Variants in KLF12 observed in about 807,000 individuals in gnomAD.
KLF12 encodes KLF transcription factor 12, also known as Krueppel-like factor 12.
A neutral mutation model predicts 37.8 loss-of-function variants in KLF12; 9 were observed. The observed-to-expected ratio is 0.24, with a 90% CI of 0.14 to 0.42. The LOEUF (loss-of-function observed/expected upper bound fraction) is 0.42. KLF12 is among the 10% of genes least tolerant of loss of function. The pLI, the probability that KLF12 is intolerant of heterozygous loss-of-function variation, is 1.00. For synonymous variants in KLF12, 208 were observed against 202.1 expected (o/e 1.03, Z -0.25); for missense variants, 411 against 516.0 (o/e 0.80, Z 1.97).
chr13:73,740,153 G>T (rs141077050), intron 6 of KLF12, among the ~76,000 whole-genome samples: 375 of 152,346 alleles, frequency 2.5e-3, no homozygotes, highest in African/African-American at 8.5e-3. Context: ...ATTAGGAGGT[G>T]AAGCCTCTGG....
chr13:73,950,862 G>A (rs1890619288), intron 2 of KLF12, among the ~76,000 whole-genome samples: 1 of 152,170 alleles, frequency 6.6e-6, no homozygotes, highest in South Asian at 2.1e-4. Flanking sequence ...GATCCTTTCT[G>A]GGAGATGAGG....
At chr13:73,979,088 A>G (rs2138164672) in intron 2 of KLF12, among the ~76,000 whole-genome samples, 1 of 152,296 alleles carries the variant, frequency 6.6e-6, no homozygotes, top group Middle Eastern at 3.4e-3. Context: ...ATATCAGAGG[A>G]TATGTACCAT....
At chr13:73,904,256 G>A (rs931431340) in intron 3 of KLF12, among the ~76,000 whole-genome samples, 36 of 152,172 alleles carry the variant, frequency 2.4e-4, no homozygotes, top group African/African-American at 5.1e-4. Flanking sequence ...TACCCGACAC[G>A]TCCTAGCACA....
chr13:73,918,707 A>G (rs1233392123), intron 3 of KLF12, among the ~76,000 whole-genome samples: 4 of 152,160 alleles, frequency 2.6e-5, no homozygotes, highest in African/African-American at 9.7e-5. Context: ...GAATTATCCA[A>G]CAAGGACTTA....
chr13:73,926,055 A>C (rs1889359634), intron 3 of KLF12, among the ~76,000 whole-genome samples: 1 of 152,098 alleles, frequency 6.6e-6, no homozygotes, highest in African/African-American at 2.4e-5. Context: ...GACATTGTTG[A>C]AACAACAACA....
chr13:73,949,302 G>C (rs1566477848), intron 2 of KLF12, among the ~76,000 whole-genome samples: 1 of 152,218 alleles, frequency 6.6e-6, no homozygotes, highest in South Asian at 2.1e-4. Flanking sequence ...TGGAATCTCA[G>C]TAACAGCTCC....
intron 2 of KLF12, among the ~76,000 whole-genome samples, chr13:73,969,778 C>T (rs866308809): frequency 1.7e-4 from 26 of 152,214 alleles, no homozygotes; most frequent in African/African-American, 5.8e-4. Context: ...ACAGCTCTCA[C>T]TTAACAATAG....
chr13:73,985,178 G>C (rs1891795302), intron 2 of KLF12, among the ~76,000 whole-genome samples: 1 of 152,188 alleles, frequency 6.6e-6, no homozygotes, highest in Non-Finnish European at 1.5e-5. Context: ...ATCCGCCTTT[G>C]AACCTCAGCA....
intron 2 of KLF12, among the ~76,000 whole-genome samples, chr13:73,966,792 T>G (rs1891182052): frequency 6.6e-6 from 1 of 152,160 alleles, no homozygotes; most frequent in South Asian, 2.1e-4. Context: ...GGCACTTTAC[T>G]CAGGAAACAC....
the KLF12 span, among the ~76,000 whole-genome samples, chr13:74,189,595 A>G: frequency 6.6e-6 from 1 of 152,198 alleles, no homozygotes; most frequent in Non-Finnish European, 1.5e-5. Flanking sequence ...ATGGTTCAAA[A>G]TTCAAGAGGT....
rs1178642068 is a variant in KLF12, at chr13:73,842,064, G to A, written c.670+3763C>T. 2.0e-5 allele frequency among the ~76,000 whole-genome samples: 3 copies of A among 152,094 alleles called. No individual in the cohort carries two copies. The East Asian group carries it at 5.8e-4, about 29-fold the overall frequency. ...TTCTTTGCACACTTGGAAAGGCTGA[G>A]GTTCTAGCCTCACTAGAAGGCATTT... On this transcript the variant is annotated intron_variant, in intron 4 of 7. Coordinates refer to ENST00000377669, the MANE Select transcript of KLF12 (RefSeq NM_007249.5).
chr13:73,758,850 A>ATC (rs1447310757), intron 6 of KLF12, among the ~76,000 whole-genome samples: 2 of 152,156 alleles, frequency 1.3e-5, no homozygotes, highest in Non-Finnish European at 2.9e-5. Flanking sequence ...TTTATCATGA[A>ATC]TCTCTCTTGC....
At chr13:73,729,363 A>G (rs1287905694) in intron 6 of KLF12, among the ~76,000 whole-genome samples, 1 of 152,232 alleles carries the variant, frequency 6.6e-6, no homozygotes, top group African/African-American at 2.4e-5. Flanking sequence ...CAATACTCTC[A>G]GTGTATACTG....
At position 73,898,331 on chromosome 13, in the gene KLF12, A is replaced by G. The variant is rs182294892; in HGVS notation, c.123+45650T>C. 3.9e-5 allele frequency among the ~76,000 whole-genome samples: 6 copies of G among 152,340 alleles called. No homozygotes were observed. In the East Asian group the frequency reaches 1.2e-3, roughly 29 times the overall value. On this transcript the variant is annotated intron_variant, in intron 3 of 7. Transcript: ENST00000377669. ...ATAATCTTCAGATACAAAGGACAAC[A>G]TTCTCTCTCTCATTTTCTTAAAGAA...
At chr13:74,015,483 T>C (rs1892664516) in intron 1 of KLF12, among the ~76,000 whole-genome samples, 1 of 152,168 alleles carries the variant, frequency 6.6e-6, no homozygotes, top group African/African-American at 2.4e-5. Flanking sequence ...TTATCATTGT[T>C]ATTATTACTT....
At chr13:74,087,198 T>C (rs916430459) in intron 1 of KLF12, among the ~76,000 whole-genome samples, 9 of 152,128 alleles carry the variant, frequency 5.9e-5, no homozygotes, top group African/African-American at 9.7e-5. Flanking sequence ...ATAGAAAGCA[T>C]GGCCCAAGAA....
chr13:73,738,008 C>T (rs1177626506), intron 6 of KLF12, among the ~76,000 whole-genome samples: 1 of 111,886 alleles, frequency 8.9e-6, no homozygotes, highest in Non-Finnish European at 1.8e-5. Context: ...TCCTTAAATA[C>T]ACTTCATTCA....
At chr13:73,897,774 CT>C (rs1392064212) in intron 3 of KLF12, among the ~76,000 whole-genome samples, 5 of 152,210 alleles carry the variant, frequency 3.3e-5, no homozygotes, top group Non-Finnish European at 1.5e-5. Context: ...TAACTATCTA[CT>C]TATCAGCAAT....
the KLF12 span, among the ~76,000 whole-genome samples, chr13:74,208,464 TTGTC>T: frequency 6.6e-6 from 1 of 152,104 alleles, no homozygotes; most frequent in Non-Finnish European, 1.5e-5. Context: ...GATGCATATT[TTGTC>T]TGGGAATTTT....
Sources: allele counts gnomAD v4.1 joint callset (sites outside exome capture counted in the v4.1 genomes callset), GRCh38; gene constraint gnomAD v4.1.1; transcripts MANE v1.5; gene names NCBI Gene and HGNC (gene_info 2026-07-23, HGNC 2026-07-21).